PPIP5K2: variants seen among roughly 807,000 people sequenced by gnomAD.
PPIP5K2 encodes the protein diphosphoinositol pentakisphosphate kinase 2.
A neutral mutation model predicts 154.6 loss-of-function variants in PPIP5K2; 105 were observed. The observed-to-expected ratio is 0.68, with a 90% CI of 0.58 to 0.80. The LOEUF is 0.80. Among genes scored for constraint, PPIP5K2 ranks in the 30% least tolerant of loss-of-function variants. PPIP5K2 has a pLI of 0.00. For missense variants in PPIP5K2, 992 were observed against 1,504.6 expected, an observed-to-expected ratio of 0.66 and a Z score of 5.64; for synonymous variants, 480 against 490.3, an observed-to-expected ratio of 0.98 and a Z score of 0.28.
At chr5:103,165,826 C>A (rs1554217658) in intron 17 of PPIP5K2, among the ~76,000 whole-genome samples, 1 of 152,048 alleles carries the variant, frequency 6.6e-6, no homozygotes, top group African/African-American at 2.4e-5. Flanking sequence ...TTGAAGAAGA[C>A]CAATAATTAA....
rs1343244167 is a variant in PPIP5K2 at position 103,202,937 on chromosome 5, G to A, written c.*1303G>A. 1 of 152,388 alleles carries A rather than the reference G, an allele frequency of 6.6e-6. No homozygotes were observed. The highest frequency in any genetic ancestry group is 1.5e-5 in the Non-Finnish European group (1 of 67,976). 9.4% of individuals were successfully genotyped at this position (152,388 alleles called of 1,614,324 possible). A position where few individuals can be genotyped will look rare whatever the true frequency, so the allele number is the denominator to read the frequency against. On this transcript the variant is annotated 3_prime_UTR_variant, in exon 31 of 31. Coordinates refer to ENST00000358359, the MANE Select transcript of PPIP5K2 (RefSeq NM_001276277.3). ...AATGAGACTCTTCTCACCTTAAATA[G>A]TCATATATTAATTAACTTATAGGAA... is the stretch of plus-strand genomic sequence containing the variant.
intron 30 of PPIP5K2, among the ~76,000 whole-genome samples, chr5:103,198,138 A>G (rs1381015487): frequency 6.6e-6 from 1 of 151,946 alleles, no homozygotes; most frequent in African/African-American, 2.4e-5. Flanking sequence ...TTCTTCTTTG[A>G]TCCATTGCAT....
intron 5 of PPIP5K2, among the ~76,000 whole-genome samples, chr5:103,143,272 A>G (rs1020809048): frequency 2.0e-5 from 3 of 152,194 alleles, no homozygotes; most frequent in Non-Finnish European, 4.4e-5. Context: ...ATCACTTTTC[A>G]CTGTAGCCTC....
Position 103,168,200 on chromosome 5 carries a change from A to C in PPIP5K2, c.2191A>C (p.Lys731Gln). The C allele has an allele frequency of 6.2e-7, 1 of 1,609,284 alleles. No homozygotes were observed. The highest frequency in any genetic ancestry group is 1.3e-5 in the African/African-American group (1 of 74,832). Residue 731 changes from lysine (K) to glutamine (Q), a missense_variant, in exon 19 of 31, where the codon AAA (lysine) becomes CAA (glutamine). By Grantham distance (53) the Lys-to-Gln change is moderately conservative. Coordinates refer to ENST00000358359, the MANE Select transcript of PPIP5K2 (RefSeq NM_001276277.3). ...AATCCCTGACATATATGACTGTATA[A>C]AATATGATGTCCAGCATAATGGTTC... ...SKIPDIYDCI[K>Q]YDVQHNGSLK...
At chr5:103,126,076 G>A (rs542391691) in intron 1 of PPIP5K2, among the ~76,000 whole-genome samples, 1 of 152,148 alleles carries the variant, frequency 6.6e-6, no homozygotes, top group African/African-American at 2.4e-5. Flanking sequence ...TGCTTTAGAG[G>A]CTTTATACTT....
At position 103,205,653 on chromosome 5, in the gene PPIP5K2, A is replaced by G. The variant is rs1048475258; in HGVS notation, c.*4019A>G. The G allele has an allele frequency of 6.6e-6, 1 of 152,166 alleles. No homozygotes were observed. 9.4% of individuals were successfully genotyped at this position (152,166 alleles called of 1,614,324 possible). ...AAAAACATCTTTTCGCTTAGGGATC[A>G]CTGTCAATTTCTCCTTTTATTATCA... On this transcript the variant is annotated 3_prime_UTR_variant, in exon 31 of 31. Transcript: ENST00000358359.
At chr5:103,126,579 C>T (rs1014454571) in intron 1 of PPIP5K2, among the ~76,000 whole-genome samples, 2 of 152,070 alleles carry the variant, frequency 1.3e-5, no homozygotes, top group Admixed American at 6.6e-5. Context: ...GTCACACGAT[C>T]GATCACAAGG....
intron 14 of PPIP5K2, among the ~76,000 whole-genome samples, chr5:103,156,287 A>G (rs1308317774): frequency 3.3e-5 from 5 of 152,180 alleles, no homozygotes; most frequent in African/African-American, 1.2e-4. Flanking sequence ...AGTGTTATTT[A>G]ATGGGCTCCT....
At position 103,158,358 on chromosome 5, in the gene PPIP5K2, T is replaced by C. The variant is rs782295386; in HGVS notation, c.1615+45T>C. ...TTAATTTGACTAATTTCATAAATTG[T>C]ATTTTGAAATCCTCATTTGTGATGT... On this transcript the variant is annotated intron_variant, in intron 15 of 30. Transcript: ENST00000358359. The C allele has an allele frequency of 5.0e-6, 8 of 1,596,118 alleles. No individual in the cohort carries two copies. In the Admixed American group the frequency reaches 1.3e-4, roughly 25 times the overall value.
At position 103,154,874 on chromosome 5, in the gene PPIP5K2, G is replaced by T; in HGVS notation, c.1334G>T (p.Gly445Val). Residue 445 changes from glycine to valine, a missense_variant, in exon 13 of 31, where the codon GGG (glycine) becomes GTG (valine). By Grantham distance (109) the Gly-to-Val change is moderately radical. Transcript: ENST00000358359. Reference protein sequence around the residue: ...DIARQLLMELGQNNDSEIEEN... With the variant: ...DIARQLLMELVQNNDSEIEEN... Reference sequence around the variant, plus strand: ...GCACGACAGCTTCTTATGGAGCTAGGGCAAAATAATGATTCTGAAATTGAA... The same window carrying T: ...GCACGACAGCTTCTTATGGAGCTAGTGCAAAATAATGATTCTGAAATTGAA... 1 of 1,605,678 alleles carries T rather than the reference G, an allele frequency of 6.2e-7. No homozygotes were observed. Among genetic ancestry groups the T allele is most frequent in the South Asian group, 1.1e-5 (1 of 89,238 alleles).
rs779757810 is a variant in PPIP5K2 at position 103,159,237 on chromosome 5, ACT to A, written c.1834_1835del (p.Leu612GlufsTer13). ...AACGGTCTTTTGGATAGTGATAGTG[ACT>A]CTCTGAGCAGTTGTCAGCAACGTGT... On this transcript the variant is annotated frameshift_variant, in exon 17 of 31. Transcript: ENST00000358359. LOFTEE classifies it high-confidence loss of function. 5.6e-6 allele frequency: 9 copies of A among 1,612,754 alleles called. No individual in the cohort carries two copies. Among genetic ancestry groups the A allele is most frequent in the East Asian group, 2.2e-5 (1 of 44,826 alleles).
intron 1 of PPIP5K2, among the ~76,000 whole-genome samples, chr5:103,125,743 C>T (rs1188514251): frequency 6.6e-6 from 1 of 152,158 alleles, no homozygotes; most frequent in Non-Finnish European, 1.5e-5. Context: ...AAGTGATTCT[C>T]CTGCCCCAGC....
intron 23 of PPIP5K2, among the ~76,000 whole-genome samples, chr5:103,178,988 T>G (rs538947222): frequency 1.9e-4 from 29 of 152,078 alleles, no homozygotes; most frequent in African/African-American, 6.3e-4. Context: ...TATAAAAATT[T>G]TATAGCTAGC....
chr5:103,134,761 G>T (rs146380907), intron 3 of PPIP5K2, among the ~76,000 whole-genome samples: 10 of 152,298 alleles, frequency 6.6e-5, no homozygotes, highest in Admixed American at 5.9e-4. Context: ...GCAGGAAACT[G>T]TGTAGGTGTT....
chr5:103,145,298 G>A (rs1554208790), intron 5 of PPIP5K2, among the ~76,000 whole-genome samples: 1 of 152,006 alleles, frequency 6.6e-6, no homozygotes, highest in African/African-American at 2.4e-5. Flanking sequence ...ACTGTTGGTG[G>A]GAATGTGAAT....
rs548611147 is a variant in PPIP5K2 at position 103,183,049 on chromosome 5, G to T, written c.2923-185G>T. 5.3e-5 allele frequency among the ~76,000 whole-genome samples: 8 copies of T among 151,538 alleles called. 1 individual carries two copies. The South Asian group carries it at 1.7e-3, about 32-fold the overall frequency. On this transcript the variant is annotated intron_variant, in intron 24 of 30. Coordinates refer to ENST00000358359, the MANE Select transcript of PPIP5K2 (RefSeq NM_001276277.3). ...CATTCCTATCAAATTCTCAAATAGT[G>T]AAATATTTGGCTCCCAAATTGCTGT... is the stretch of plus-strand genomic sequence containing the variant.
chr5:103,127,941 G>A (rs1437385904), intron 1 of PPIP5K2, among the ~76,000 whole-genome samples: 1 of 151,246 alleles, frequency 6.6e-6, no homozygotes, highest in Non-Finnish European at 1.5e-5. Context: ...TTCTGTTGTT[G>A]TTGTTTTTTT....
At chr5:103,122,225 T>C (rs1464662154) in intron 1 of PPIP5K2, among the ~76,000 whole-genome samples, 9 of 152,194 alleles carry the variant, frequency 5.9e-5, no homozygotes, top group African/African-American at 2.2e-4. Context: ...TAATAAAAAG[T>C]TGGGGAGGAA....
At chr5:103,177,606 T>C in intron 21 of PPIP5K2, 61 bp from the exon 22 acceptor site, 1 of 1,140,460 alleles carries the variant, frequency 8.8e-7, no homozygotes, top group Non-Finnish European at 1.3e-6. Context: ...ATAGTGACAA[T>C]AAAGTGACTT....
Sources: gnomAD v4.1 joint callset for allele counts (sites outside exome capture counted in the v4.1 genomes callset) on GRCh38, gnomAD v4.1.1 for gene constraint, MANE v1.5 for transcripts, NCBI Gene and HGNC (gene_info 2026-07-23, HGNC 2026-07-21) for gene names.